DAPL1: variants seen among roughly 807,000 people sequenced by gnomAD.
DAPL1 encodes the protein death-associated protein-like 1.
Under a neutral mutation model 12.9 loss-of-function variants are expected in DAPL1, and 17 were observed. The observed-to-expected ratio is 1.32, with a 90% CI of 0.90 to 1.98. DAPL1 has a LOEUF of 1.98. Ranked by LOEUF, DAPL1 falls within the 30% of genes most tolerant of loss-of-function variation. The probability of loss-of-function intolerance (pLI) is 0.00; values close to 1 mark genes in which losing one functional copy is unlikely to be tolerated. For synonymous variants in DAPL1, 51 were observed against 42.0 expected (o/e 1.21, Z -0.82); for missense variants, 157 against 125.7 (o/e 1.25, Z -1.19).
chr2:158,808,710 C>T (rs2059214561), intron 3 of DAPL1, among the ~76,000 whole-genome samples: 1 of 152,156 alleles, frequency 6.6e-6, no homozygotes, highest in African/African-American at 2.4e-5. Flanking sequence ...TGCCTGCTCC[C>T]ACATCTTATA....
At chr2:158,802,117 CAG>C (rs1491449386) in intron 1 of DAPL1, among the ~76,000 whole-genome samples, 2 of 152,166 alleles carry the variant, frequency 1.3e-5, no homozygotes, top group Non-Finnish European at 2.9e-5. Context: ...GCGTTGTTAA[CAG>C]GGGTATGGAG....
At chr2:158,808,218 G>A (rs993718264) in intron 3 of DAPL1, among the ~76,000 whole-genome samples, 6 of 152,196 alleles carry the variant, frequency 3.9e-5, no homozygotes, top group Non-Finnish European at 8.8e-5. Flanking sequence ...AGATGCCTGA[G>A]GACCACCAGC....
At chr2:158,810,553 G>A (rs575139038) in intron 3 of DAPL1, among the ~76,000 whole-genome samples, 1 of 152,308 alleles carries the variant, frequency 6.6e-6, no homozygotes, top group South Asian at 2.1e-4. Flanking sequence ...TCAACATGGG[G>A]TTTAAGATTT....
intron 3 of DAPL1, among the ~76,000 whole-genome samples, chr2:158,815,206 G>A (rs150137577): frequency 6.6e-6 from 1 of 152,236 alleles, no homozygotes; most frequent in African/African-American, 2.4e-5. Flanking sequence ...CATATGGAAT[G>A]GCCAATATCA....
chr2:158,798,256 A>G (rs1182016939), intron 1 of DAPL1, among the ~76,000 whole-genome samples: 1 of 152,222 alleles, frequency 6.6e-6, no homozygotes, highest in African/African-American at 2.4e-5. Flanking sequence ...AGGAAGTTGG[A>G]GGGGGAGTAT....
intron 3 of DAPL1, among the ~76,000 whole-genome samples, chr2:158,809,081 C>T (rs1435434346): frequency 6.6e-6 from 1 of 152,044 alleles, no homozygotes; most frequent in Non-Finnish European, 1.5e-5. Context: ...TTTTAACAGG[C>T]CAGGCACGGT....
intron 3 of DAPL1, among the ~76,000 whole-genome samples, chr2:158,812,888 A>T (rs2105157225): frequency 6.6e-6 from 1 of 152,190 alleles, no homozygotes; most frequent in Non-Finnish European, 1.5e-5. Context: ...ATATTGGAAG[A>T]ATTGAAAGTA....
intron 3 of DAPL1, among the ~76,000 whole-genome samples, chr2:158,810,246 C>T (rs1305332801): frequency 6.6e-6 from 1 of 152,060 alleles, no homozygotes; most frequent in Non-Finnish European, 1.5e-5. Context: ...ATACATTTTT[C>T]CTGCACTACA....
intron 1 of DAPL1, 23 bp from the exon 2 acceptor site, chr2:158,804,259 T>C (rs1180841963): frequency 6.5e-6 from 10 of 1,546,790 alleles, no homozygotes; most frequent in South Asian, 1.2e-5. Context: ...CTAACTTCCA[T>C]GCTGATTTTT....
intron 1 of DAPL1, among the ~76,000 whole-genome samples, chr2:158,803,754 A>G (rs1387888691): frequency 6.6e-6 from 1 of 152,180 alleles, no homozygotes; most frequent in Non-Finnish European, 1.5e-5. Context: ...GAAGGTGGGT[A>G]TCTGGTAGAA....
intron 3 of DAPL1, among the ~76,000 whole-genome samples, chr2:158,807,352 G>A (rs1200976733): frequency 1.3e-5 from 2 of 152,208 alleles, no homozygotes; most frequent in Non-Finnish European, 1.5e-5. Context: ...ATAAGAAAGT[G>A]GGAATCATGA....
intron 3 of DAPL1, among the ~76,000 whole-genome samples, chr2:158,811,753 G>A: frequency 6.6e-6 from 1 of 152,088 alleles, no homozygotes; most frequent in East Asian, 1.9e-4. Flanking sequence ...TAATGAATGA[G>A]ACAAGAAACA....
chr2:158,813,813 C>T (rs922720829), intron 3 of DAPL1, among the ~76,000 whole-genome samples: 3 of 152,166 alleles, frequency 2.0e-5, no homozygotes, highest in African/African-American at 7.2e-5. Flanking sequence ...CCTTGGCCTC[C>T]CAAAGTGCTG....
chr2:158,814,914 A>ACTGTGTC (rs1279346997), intron 3 of DAPL1, among the ~76,000 whole-genome samples: 3 of 152,202 alleles, frequency 2.0e-5, no homozygotes, highest in Non-Finnish European at 4.4e-5. Flanking sequence ...CCAAAAGGTC[A>ACTGTGTC]CTGTGTCCAA....
chr2:158,808,734 G>A (rs989944533), intron 3 of DAPL1, among the ~76,000 whole-genome samples: 4 of 151,992 alleles, frequency 2.6e-5, no homozygotes, highest in African/African-American at 4.8e-5. Flanking sequence ...TCTTGCTCCC[G>A]CCCACTAAAC....
chr2:158,804,863 A>AG (rs1201613388), intron 2 of DAPL1, among the ~76,000 whole-genome samples: 2 of 152,248 alleles, frequency 1.3e-5, no homozygotes, highest in African/African-American at 2.4e-5. Flanking sequence ...AGAAACACAT[A>AG]GGTACCGAGC....
chr2:158,810,809 AG>A (rs1356318529), intron 3 of DAPL1, among the ~76,000 whole-genome samples: 1 of 152,222 alleles, frequency 6.6e-6, no homozygotes, highest in African/African-American at 2.4e-5. Context: ...TGCAGAAAAC[AG>A]GCTGTGTAGC....
At chr2:158,814,662 G>T (rs1249628681) in intron 3 of DAPL1, among the ~76,000 whole-genome samples, 2 of 152,166 alleles carry the variant, frequency 1.3e-5, no homozygotes, top group Non-Finnish European at 2.9e-5. Flanking sequence ...GAGATGTAAG[G>T]CACATATGTT....
chr2:158,797,862 G>A lies in DAPL1; in HGVS notation c.58+2432G>A, dbSNP rs545204840. On this transcript the variant is annotated intron_variant, in intron 1 of 3. Coordinates refer to ENST00000309950, the MANE Select transcript of DAPL1 (RefSeq NM_001017920.3). ...CTACCTATCTATGGAGCAGTCAATG[G>A]TTTCACTTTAATGTATATTAATATA... 1.7e-4 allele frequency among the ~76,000 whole-genome samples: 26 copies of A among 151,948 alleles called. 1 individual carries two copies. The highest frequency in any genetic ancestry group is 5.8e-4 in the African/African-American group (24 of 41,418).
Sources: allele counts gnomAD v4.1 joint callset (sites outside exome capture counted in the v4.1 genomes callset), GRCh38; gene constraint gnomAD v4.1.1; transcripts MANE v1.5; gene names NCBI Gene and HGNC (gene_info 2026-07-23, HGNC 2026-07-21).